PCDHA12: variants seen among roughly 807,000 people sequenced by gnomAD.
The protein encoded by PCDHA12 is protocadherin alpha 12.
A neutral mutation model predicts 60.0 loss-of-function variants in PCDHA12; 44 were observed. The ratio of observed to expected loss-of-function variants is 0.73; its 90% confidence interval spans 0.58 to 0.94. The LOEUF is 0.94. Among genes scored for constraint, PCDHA12 ranks in the 40% least tolerant of loss-of-function variants. The pLI is 0.00. For missense variants in PCDHA12, 1,276 were observed against 1,239.7 expected (o/e 1.03, Z -0.44); for synonymous variants, 569 against 553.0 (o/e 1.03, Z -0.40).
At chr5:140,882,950 C>A in intron 1 of PCDHA12, 1 of 1,614,216 alleles carries the variant, frequency 6.2e-7, no homozygotes, top group Non-Finnish European at 8.5e-7. Context: ...CACAGTTCAG[C>A]TGCTCATCAC....
rs1374151299 is a variant in PCDHA12 at position 141,010,790 on chromosome 5, A to G, written c.*853A>G. The G allele has an allele frequency of 2.0e-5, 3 of 153,822 alleles. No homozygotes were observed. Among genetic ancestry groups the G allele is most frequent in the Admixed American group, 6.5e-5 (1 of 15,286 alleles). The allele number at this position is 153,822 out of a possible 1,614,324, so 9.5% of individuals were successfully genotyped here. Reference sequence around the variant, plus strand: ...CTTTTCCAATACTTATGCAAAAGCAAAAGAAAACCCCGACACCTCACCTTT... The same window carrying G: ...CTTTTCCAATACTTATGCAAAAGCAGAAGAAAACCCCGACACCTCACCTTT... On this transcript the variant is annotated 3_prime_UTR_variant, in exon 4 of 4. Coordinates refer to ENST00000398631, the MANE Select transcript of PCDHA12 (RefSeq NM_018903.4).
chr5:140,993,528 A>T lies in PCDHA12; in HGVS notation c.2515+10965A>T, dbSNP rs78672098. On this transcript the variant is annotated intron_variant, in intron 3 of 3. Transcript: ENST00000398631. ...CACACACGGGGAGAGAGAGACAGAG[A>T]GAGAGAGAGATAGAGAAGTGAAGTA... Among the ~76,000 whole-genome samples the T allele has an allele frequency of 6.6e-5, 10 of 152,092 alleles. No individual in the cohort carries two copies. In the East Asian group the frequency reaches 1.2e-3, roughly 18 times the overall value.
intron 1 of PCDHA12, chr5:140,882,074 G>C (rs1276421996): frequency 1.1e-6 from 1 of 886,834 alleles, no homozygotes. Context: ...CATGCGCATG[G>C]TGTCGCTCTT....
intron 1 of PCDHA12, among the ~76,000 whole-genome samples, chr5:140,972,812 C>T (rs782305867): frequency 5.3e-5 from 8 of 151,914 alleles, no homozygotes; most frequent in East Asian, 3.9e-4. Context: ...TACAGGCACG[C>T]GCCACCACGC....
intron 1 of PCDHA12, among the ~76,000 whole-genome samples, chr5:140,926,001 C>A (rs782316154): frequency 3.3e-5 from 5 of 152,302 alleles, no homozygotes; most frequent in Middle Eastern, 3.4e-3. Flanking sequence ...TCCGCTGCCT[C>A]GAAAAGCCAG....
chr5:140,995,867 G>A (rs1355291744), intron 3 of PCDHA12, among the ~76,000 whole-genome samples: 1 of 152,152 alleles, frequency 6.6e-6, no homozygotes, highest in Non-Finnish European at 1.5e-5. Flanking sequence ...CTTAATAATT[G>A]TGCAACCTGT....
chr5:140,916,268 T>C (rs1190209711), intron 1 of PCDHA12, among the ~76,000 whole-genome samples: 3 of 152,206 alleles, frequency 2.0e-5, no homozygotes, highest in Non-Finnish European at 4.4e-5. Flanking sequence ...AAGAGCATGC[T>C]TGTTGCTCTA....
At chr5:140,975,963 A>G (rs2096691903) in intron 1 of PCDHA12, among the ~76,000 whole-genome samples, 1 of 152,186 alleles carries the variant, frequency 6.6e-6, no homozygotes, top group Non-Finnish European at 1.5e-5. Flanking sequence ...TTCTTCACCA[A>G]TAGAAAGTAA....
chr5:140,950,917 A>ACT (rs1554219681), intron 1 of PCDHA12, among the ~76,000 whole-genome samples: 4 of 151,642 alleles, frequency 2.6e-5, no homozygotes, highest in African/African-American at 9.7e-5. Context: ...ATTTTATTTC[A>ACT]GTTCTTTTTC....
intron 1 of PCDHA12, among the ~76,000 whole-genome samples, chr5:140,925,792 T>C (rs918762181): frequency 6.6e-6 from 1 of 152,170 alleles, no homozygotes. Flanking sequence ...AGTATCTCAG[T>C]ACTTTCCCCT....
At position 140,876,087 on chromosome 5, in the gene PCDHA12, G is replaced by A; in HGVS notation, c.615G>A (p.Thr205=). The A allele has an allele frequency of 2.5e-6, 4 of 1,613,922 alleles. No homozygotes were observed. The highest frequency in any genetic ancestry group is 2.5e-6 in the Non-Finnish European group (3 of 1,179,894). Residue 205 remains threonine, a synonymous_variant, in exon 1 of 4, where the codon ACG becomes ACA. Transcript: ENST00000398631. The part of the protein sequence containing the change: ...VLRKLLDREQ[T]PKLNLLLMVI... The stretch of plus-strand genomic sequence containing the variant: ...GGAAGTTATTGGACAGAGAGCAAAC[G>A]CCAAAACTCAATTTATTGCTGATGG...
intron 1 of PCDHA12, among the ~76,000 whole-genome samples, chr5:140,971,967 A>C (rs2096509788): frequency 6.6e-6 from 1 of 152,118 alleles, no homozygotes; most frequent in Non-Finnish European, 1.5e-5. Flanking sequence ...ACTTTTTTTC[A>C]ATACTATGAG....
intron 1 of PCDHA12, among the ~76,000 whole-genome samples, chr5:140,953,875 C>T (rs1054189459): frequency 4.6e-5 from 7 of 152,088 alleles, no homozygotes; most frequent in Admixed American, 4.6e-4. Context: ...CTGCACAGAT[C>T]AACCCATCAC....
intron 1 of PCDHA12, among the ~76,000 whole-genome samples, chr5:140,893,688 C>G (rs903086896): frequency 6.6e-6 from 1 of 152,168 alleles, no homozygotes; most frequent in Admixed American, 6.5e-5. Context: ...TATATCATCT[C>G]ATTCTATCCT....
chr5:140,884,003 G>A, intron 1 of PCDHA12: 4 of 1,613,086 alleles, frequency 2.5e-6, no homozygotes, highest in African/African-American at 1.3e-5. Flanking sequence ...CACAGTGAGC[G>A]AGCTGATGCC....
chr5:140,890,945 G>A (rs2062873584), intron 1 of PCDHA12, among the ~76,000 whole-genome samples: 1 of 152,132 alleles, frequency 6.6e-6, no homozygotes, highest in Non-Finnish European at 1.5e-5. Flanking sequence ...AGATGCTGGT[G>A]AGGAATGATT....
intron 3 of PCDHA12, among the ~76,000 whole-genome samples, chr5:140,996,315 G>A (rs2097722113): frequency 6.6e-6 from 1 of 152,188 alleles, no homozygotes; most frequent in African/African-American, 2.4e-5. Flanking sequence ...AGTAAGGGGG[G>A]AGGGTAGAGA....
chr5:140,969,863 C>A (rs1305470999), intron 1 of PCDHA12, among the ~76,000 whole-genome samples: 1 of 152,156 alleles, frequency 6.6e-6, no homozygotes, highest in Non-Finnish European at 1.5e-5. Context: ...CTGGTACTTG[C>A]ACTGAACCTA....
At chr5:140,968,460 C>G (rs1554230749) in intron 1 of PCDHA12, 1 of 1,614,096 alleles carries the variant, frequency 6.2e-7, no homozygotes, top group Non-Finnish European at 8.5e-7. Flanking sequence ...ACTGTGACTG[C>G]CAACGTATAT....
Sources: gnomAD v4.1 joint callset for allele counts (sites outside exome capture counted in the v4.1 genomes callset) on GRCh38, gnomAD v4.1.1 for gene constraint, MANE v1.5 for transcripts, NCBI Gene and HGNC (gene_info 2026-07-23, HGNC 2026-07-21) for gene names.